The following SLC25A12 variants were observed in gnomAD, a reference collection of about 807,000 sequenced individuals.
SLC25A12 encodes the protein solute carrier family 25 member 12.
Under a neutral mutation model 83.3 loss-of-function variants are expected in SLC25A12, and 32 were observed. The observed-to-expected ratio is 0.38, with a 90% CI of 0.29 to 0.52. The LOEUF is 0.52. Ranked by LOEUF, SLC25A12 falls within the 20% of genes least tolerant of loss-of-function variation. The pLI is 0.84. For synonymous variants in SLC25A12, 267 were observed against 291.1 expected (o/e 0.92, Z 0.84); for missense variants, 611 against 835.6 (o/e 0.73, Z 3.31).
chr2:171,802,282 A>G (rs887039279), intron 13 of SLC25A12, among the ~76,000 whole-genome samples: 4 of 152,342 alleles, frequency 2.6e-5, no homozygotes, highest in African/African-American at 9.6e-5. Context: ...TGGAGGTTAC[A>G]GTCATGAGCC....
chr2:171,790,178 A>T (rs142281790), intron 15 of SLC25A12, among the ~76,000 whole-genome samples: 2,085 of 152,348 alleles, frequency 0.014, 22 homozygotes, highest in Middle Eastern at 0.065. Flanking sequence ...CAAGCACAGC[A>T]CACTCCGGGA....
At chr2:171,862,368 A>C (rs2105911200) in intron 3 of SLC25A12, among the ~76,000 whole-genome samples, 1 of 152,368 alleles carries the variant, frequency 6.6e-6, no homozygotes, top group South Asian at 2.1e-4. Flanking sequence ...CCAGAACTTC[A>C]AAGTTTAAGC....
intron 13 of SLC25A12, among the ~76,000 whole-genome samples, chr2:171,800,929 G>A (rs35854151): frequency 0.47 from 70,909 of 151,946 alleles, 18,961 homozygotes; most frequent in East Asian, 0.68. Context: ...CAGAAGTGTG[G>A]TTGCATGGGG....
intron 8 of SLC25A12, among the ~76,000 whole-genome samples, chr2:171,829,813 G>A (rs1684392161): frequency 6.6e-6 from 1 of 152,192 alleles, no homozygotes. Context: ...GAGGCCACTT[G>A]CCGAGAAGCA....
chr2:171,820,362 A>C (rs745990058), intron 9 of SLC25A12, among the ~76,000 whole-genome samples: 9 of 152,180 alleles, frequency 5.9e-5, no homozygotes, highest in Admixed American at 4.6e-4. Flanking sequence ...AAGAAAGTAC[A>C]TATATACCCA....
At chr2:171,871,643 G>A (rs531884017) in intron 2 of SLC25A12, 7 of 843,212 alleles carry the variant, frequency 8.3e-6, no homozygotes, top group African/African-American at 7.3e-5. Context: ...TTGTAATAGC[G>A]ACTTCCTAGT....
chr2:171,799,304 T>G (rs1683661842), intron 13 of SLC25A12, among the ~76,000 whole-genome samples: 1 of 152,210 alleles, frequency 6.6e-6, no homozygotes, highest in Non-Finnish European at 1.5e-5. Flanking sequence ...ACTTTTGACA[T>G]AAATATATAA....
At chr2:171,820,059 C>G (rs1184328250) in intron 9 of SLC25A12, among the ~76,000 whole-genome samples, 1 of 152,038 alleles carries the variant, frequency 6.6e-6, no homozygotes, top group Non-Finnish European at 1.5e-5. Context: ...ACAACGGACA[C>G]TGGGGTCTAC....
chr2:171,857,027 A>C (rs566119284), intron 3 of SLC25A12, among the ~76,000 whole-genome samples: 59 of 152,372 alleles, frequency 3.9e-4, no homozygotes, highest in Middle Eastern at 3.4e-3. Context: ...ATGAATTCAT[A>C]GAATTTACAT....
intron 9 of SLC25A12, among the ~76,000 whole-genome samples, chr2:171,819,357 TTATATTATATATAA>T (rs979337460): frequency 6.5e-5 from 6 of 92,390 alleles, no homozygotes; most frequent in African/African-American, 7.6e-5. Context: ...ATATATGTAT[TTATATTATATATAA>T]TATATTATAT....
At chr2:171,802,754 C>T (rs908182920) in intron 13 of SLC25A12, among the ~76,000 whole-genome samples, 8 of 151,878 alleles carry the variant, frequency 5.3e-5, no homozygotes, top group Non-Finnish European at 8.8e-5. Flanking sequence ...CCAGCCTGGG[C>T]GACAGTGCGA....
rs1574687973 is a variant in SLC25A12, at chr2:171,809,474, A to G, written c.1305+132T>C. The G allele has an allele frequency of 3.8e-6, 3 of 780,824 alleles. 1 individual carries two copies. The highest frequency in any genetic ancestry group is 6.8e-6 in the Non-Finnish European group (3 of 438,460). The allele number at this position is 780,824 out of a possible 1,614,324, so 48.4% of individuals were successfully genotyped here. On this transcript the variant is annotated intron_variant, in intron 13 of 17. Coordinates refer to ENST00000422440, the MANE Select transcript of SLC25A12 (RefSeq NM_003705.5). ...TACAATAAAATTTAAAACTTATTCC[A>G]TATGATTATTGAGAAAACCTGCTTA...
chr2:171,783,783 C>T lies in SLC25A12; in HGVS notation c.*1491G>A, dbSNP rs575445883. Among the ~76,000 whole-genome samples the T allele has an allele frequency of 2.6e-5, 4 of 152,298 alleles. No individual in the cohort carries two copies. In the East Asian group the frequency reaches 5.8e-4, roughly 22 times the overall value. Reference sequence around the variant, plus strand: ...CCACTCCCATGAGACCAATCTAATACATTTGAAAATAACTTGCTTTCAAAG... The same window carrying T: ...CCACTCCCATGAGACCAATCTAATATATTTGAAAATAACTTGCTTTCAAAG... On this transcript the variant is annotated 3_prime_UTR_variant, in exon 18 of 18. Transcript: ENST00000422440.
intron 9 of SLC25A12, among the ~76,000 whole-genome samples, chr2:171,824,685 T>G (rs937074946): frequency 7.0e-6 from 1 of 142,718 alleles, no homozygotes; most frequent in African/African-American, 2.4e-5. Flanking sequence ...TATTAAAAAT[T>G]TTTCACATTC....
intron 2 of SLC25A12, among the ~76,000 whole-genome samples, chr2:171,869,822 C>T (rs113923461): frequency 4.6e-5 from 7 of 152,090 alleles, no homozygotes; most frequent in African/African-American, 1.7e-4. Context: ...AAAATTAAAG[C>T]GAACATCTAC....
At chr2:171,876,375 T>C (rs1292410037) in intron 2 of SLC25A12, among the ~76,000 whole-genome samples, 5 of 152,190 alleles carry the variant, frequency 3.3e-5, no homozygotes, top group African/African-American at 1.2e-4. Flanking sequence ...TGTAAGCCTG[T>C]TGCCTGAACA....
intron 2 of SLC25A12, among the ~76,000 whole-genome samples, chr2:171,884,403 C>A (rs894201648): frequency 1.3e-5 from 2 of 150,842 alleles, no homozygotes; most frequent in Non-Finnish European, 3.0e-5. Context: ...GTTGTCCAGG[C>A]TGGTCTCGAA....
intron 2 of SLC25A12, among the ~76,000 whole-genome samples, chr2:171,876,849 G>A (rs888554402): frequency 1.3e-5 from 2 of 152,156 alleles, no homozygotes; most frequent in Non-Finnish European, 2.9e-5. Flanking sequence ...CCATTTCAAA[G>A]ATATCTCTTA....
chr2:171,801,907 C>CTGTGTGTGTG (rs3058854), intron 13 of SLC25A12, among the ~76,000 whole-genome samples: 30 of 145,398 alleles, frequency 2.1e-4, no homozygotes, highest in African/African-American at 7.2e-4. Context: ...ATATCTGGAT[C>CTGTGTGTGTG]TGTGTGTGTG....
Sources: allele counts gnomAD v4.1 joint callset (sites outside exome capture counted in the v4.1 genomes callset), GRCh38; gene constraint gnomAD v4.1.1; transcripts MANE v1.5; gene names NCBI Gene and HGNC (gene_info 2026-07-23, HGNC 2026-07-21).